Variants in ATP13A4 observed in about 807,000 individuals in gnomAD.
ATP13A4 encodes the protein ATPase 13A4.
A neutral mutation model predicts 142.5 loss-of-function variants in ATP13A4; 114 were observed. The ratio of observed to expected loss-of-function variants is 0.80; its 90% CI spans 0.69 to 0.93. The LOEUF (loss-of-function observed/expected upper bound fraction) is 0.93. ATP13A4 is among the 40% of genes least tolerant of loss of function. The pLI is 0.00. For missense variants in ATP13A4, 1,392 were observed against 1,454.0 expected, an observed-to-expected ratio of 0.96 and a Z score of 0.69; for synonymous variants, 488 against 514.8, an observed-to-expected ratio of 0.95 and a Z score of 0.70.
intron 6 of ATP13A4, among the ~76,000 whole-genome samples, 192 bp from the exon 7 acceptor site, chr3:193,490,056 CCA>C (rs1719861955): frequency 6.6e-6 from 1 of 152,144 alleles, no homozygotes; most frequent in South Asian, 2.1e-4. Context: ...CATTGAATTC[CCA>C]CAGTTACCTT....
At chr3:193,579,247 A>G (rs1393905287) in intron 2 of ATP13A4, 5 of 168,826 alleles carry the variant, frequency 3.0e-5, no homozygotes. Flanking sequence ...ATACCCAGGA[A>G]TAGTTGAAGA....
chr3:193,534,857 C>T (rs78420330), intron 1 of ATP13A4, among the ~76,000 whole-genome samples: 4,198 of 151,986 alleles, frequency 0.028, 59 homozygotes, highest in East Asian at 0.032. Flanking sequence ...AGACATAAAC[C>T]TACAAATTTG....
chr3:193,423,776 ATGCCCACTT>A (rs1715514760), intron 25 of ATP13A4, among the ~76,000 whole-genome samples: 1 of 149,612 alleles, frequency 6.7e-6, no homozygotes, highest in Admixed American at 6.9e-5. Context: ...CAAGAAAAGG[ATGCCCACTT>A]TTGCCACTTC....
chr3:193,495,753 T>A (rs1350613094), intron 3 of ATP13A4, among the ~76,000 whole-genome samples: 1 of 152,126 alleles, frequency 6.6e-6, no homozygotes, highest in East Asian at 1.9e-4. Context: ...GAGAAAGAAG[T>A]AAAAGGCATC....
At chr3:193,494,606 A>C (rs1371908144) in intron 3 of ATP13A4, among the ~76,000 whole-genome samples, 1 of 152,014 alleles carries the variant, frequency 6.6e-6, no homozygotes, top group Non-Finnish European at 1.5e-5. Context: ...CTTACCAAAA[A>C]CCTATGGGAT....
At chr3:193,439,781 A>T (rs1426547982) in intron 21 of ATP13A4, among the ~76,000 whole-genome samples, 1 of 152,170 alleles carries the variant, frequency 6.6e-6, no homozygotes, top group Non-Finnish European at 1.5e-5. Context: ...TTTCTTCCAC[A>T]CTGCCATATG....
Position 193,441,583 on chromosome 3 carries a change from A to T in ATP13A4, c.2322T>A (p.Asn774Lys). The T allele has an allele frequency of 6.2e-7, 1 of 1,613,288 alleles. No homozygotes were observed. The highest frequency in any genetic ancestry group is 8.5e-7 in the Non-Finnish European group (1 of 1,179,438). Residue 774 changes from asparagine to lysine, a missense_variant, in exon 20 of 30, where the codon AAT (asparagine) becomes AAA (lysine). Asn to Lys is a moderately conservative substitution (Grantham distance 94). Transcript: ENST00000342695. Reference protein sequence around the residue: ...KKHIMYGNQDNYINIRDEVSD... With the variant: ...KKHIMYGNQDKYINIRDEVSD... The stretch of plus-strand genomic sequence containing the variant: ...AGACTTCATCCCTGATGTTAATGTA[A>T]TTGTCCTACAAAGCAAGACACAGTT...
intron 1 of ATP13A4, among the ~76,000 whole-genome samples, chr3:193,531,127 C>G (rs893134150): frequency 2.0e-5 from 3 of 152,008 alleles, no homozygotes; most frequent in African/African-American, 7.2e-5. Context: ...GTGGCTTCTC[C>G]TATGTTCTCA....
intron 2 of ATP13A4, among the ~76,000 whole-genome samples, chr3:193,575,591 C>T (rs976501969): frequency 1.6e-4 from 25 of 152,094 alleles, no homozygotes; most frequent in African/African-American, 5.1e-4. Context: ...TTTAAAAACA[C>T]GGGCATCTAA....
At position 193,467,375 on chromosome 3, in the gene ATP13A4, T is replaced by G. The variant is rs765161981; in HGVS notation, c.1055A>C (p.Glu352Ala). ...YKRHVLFCGT[E>A]VIQAKAACSG... is the part of the protein sequence containing the mutation. ...GCAAGCTGCCTTGGCCTGGATAACC[T>G]CTGTTCCACAGAAGAGGACATGCCG... Residue 352 changes from glutamate to alanine, a missense_variant, in exon 10 of 30, where the codon GAG becomes GCG. Transcript: ENST00000342695. The G allele has an allele frequency of 1.7e-5, 28 of 1,614,116 alleles. No individual in the cohort carries two copies. The highest frequency in any genetic ancestry group is 2.4e-5 in the Non-Finnish European group (28 of 1,180,034).
chr3:193,521,488 T>C (rs35230624), intron 1 of ATP13A4, among the ~76,000 whole-genome samples: 16,738 of 152,276 alleles, frequency 0.11, 1,212 homozygotes, highest in Non-Finnish European at 0.16. Context: ...GTCAGGTTAA[T>C]GCCTTACAGG....
At chr3:193,403,807 A>G in intron 29 of ATP13A4, 1 of 985,404 alleles carries the variant, frequency 1.0e-6, no homozygotes, top group African/African-American at 1.7e-5. Context: ...TGAAAGAAAC[A>G]AAGAAAAAAT....
At chr3:193,412,035 C>T (rs575978510) in intron 27 of ATP13A4, 143 bp downstream of exon 27, 60 of 723,158 alleles carry the variant, frequency 8.3e-5, no homozygotes, top group Middle Eastern at 7.1e-4. Flanking sequence ...TGAGGCTGTA[C>T]GATGTGTTTT....
rs148446639 is a variant in ATP13A4 at position 193,406,873 on chromosome 3, C to T, written c.3378+440G>A. Among the ~76,000 whole-genome samples the T allele has an allele frequency of 7.6e-4, 115 of 152,248 alleles. 1 individual carries two copies. The East Asian group carries it at 0.018, about 23-fold the overall frequency. ...AGGCAGAAGGGGCAATGAAGAGCAA[C>T]GGCTAGTAGGTACAGGATTTCTTTA... On this transcript the variant is annotated intron_variant, in intron 29 of 29. Coordinates refer to ENST00000342695, the MANE Select transcript of ATP13A4 (RefSeq NM_032279.4).
intron 18 of ATP13A4, among the ~76,000 whole-genome samples, chr3:193,445,031 C>A (rs1260964681): frequency 6.6e-6 from 1 of 152,188 alleles, no homozygotes; most frequent in Admixed American, 6.5e-5. Flanking sequence ...AATCTAACAA[C>A]CTGTCTAAGA....
intron 7 of ATP13A4, among the ~76,000 whole-genome samples, chr3:193,487,249 T>A (rs1171345292): frequency 2.6e-5 from 4 of 151,870 alleles, no homozygotes; most frequent in African/African-American, 7.2e-5. Context: ...GAAAAAAAAA[T>A]ATCCACTGCA....
In ATP13A4 at chr3:193,517,542, G is replaced by A. The variant is rs1271888862; in HGVS notation, c.61-2671C>T. ...GTCGCCCAGGCTGGAGTACAGTGGC[G>A]CGATCTCGGCTCACTGCAAGCTCCG... On this transcript the variant is annotated intron_variant, in intron 1 of 29. Coordinates refer to ENST00000342695, the MANE Select transcript of ATP13A4 (RefSeq NM_032279.4). 2.0e-5 allele frequency among the ~76,000 whole-genome samples: 3 copies of A among 152,126 alleles called. No individual in the cohort carries two copies. In the East Asian group the frequency reaches 5.8e-4, roughly 29 times the overall value.
chr3:193,549,744 A>T (rs1723439695), intron 1 of ATP13A4, among the ~76,000 whole-genome samples: 1 of 152,122 alleles, frequency 6.6e-6, no homozygotes. Context: ...ATGTGGGAGG[A>T]TCACCTGTGC....
At chr3:193,491,954 C>T (rs1719968417) in intron 5 of ATP13A4, among the ~76,000 whole-genome samples, 1 of 152,130 alleles carries the variant, frequency 6.6e-6, no homozygotes. Context: ...AGATGTGTTT[C>T]TTTGATTATG....
Sources: gnomAD v4.1 joint callset for allele counts (sites outside exome capture counted in the v4.1 genomes callset) on GRCh38, gnomAD v4.1.1 for gene constraint, MANE v1.5 for transcripts, NCBI Gene and HGNC (gene_info 2026-07-23, HGNC 2026-07-21) for gene names.